The following RBFOX1 variants were observed in gnomAD, a reference collection of about 807,000 sequenced individuals.
The protein encoded by RBFOX1 is RNA binding fox-1 homolog 1, also known as RNA binding protein fox-1 homolog 1.
RBFOX1 carries 8 observed loss-of-function variants against 57.7 expected under a neutral mutation model. The ratio of observed to expected loss-of-function variants is 0.14; its 90% CI spans 0.08 to 0.25. The LOEUF (loss-of-function observed/expected upper bound fraction) is 0.25, where lower values mean the gene tolerates loss of function less well. Among genes scored for constraint, RBFOX1 ranks in the 10% least tolerant of loss-of-function variants. The pLI is 1.00. For synonymous variants in RBFOX1, 326 were observed against 222.4 expected (o/e 1.47, Z -4.15); for missense variants, 611 against 548.5 (o/e 1.11, Z -1.14).
intron 4 of RBFOX1, among the ~76,000 whole-genome samples, chr16:7,396,909 C>G (rs2098148685): frequency 6.6e-6 from 1 of 152,174 alleles, no homozygotes; most frequent in African/African-American, 2.4e-5. Context: ...CCACTGCACT[C>G]CGGCCTGGGC....
chr16:7,023,248 G>A lies in RBFOX1; in HGVS notation c.-15-28809G>A, dbSNP rs140924151. Among the ~76,000 whole-genome samples the A allele has an allele frequency of 2.2e-3, 330 of 152,024 alleles. 2 individuals carry two copies. Among genetic ancestry groups the A allele is most frequent in the African/African-American group, 7.6e-3 (315 of 41,486 alleles). On this transcript the variant is annotated intron_variant, in intron 3 of 15. Transcript: ENST00000550418. Reference sequence around the variant, plus strand: ...TCCTATCACTTTGGGAGGCCAAGGCGGGTGGATTGCCTGAGGTCAGGAGTC... The same window carrying A: ...TCCTATCACTTTGGGAGGCCAAGGCAGGTGGATTGCCTGAGGTCAGGAGTC...
intron 2 of RBFOX1, among the ~76,000 whole-genome samples, chr16:6,616,345 C>G (rs1242158009): frequency 6.6e-6 from 1 of 151,794 alleles, no homozygotes; most frequent in Admixed American, 6.6e-5. Flanking sequence ...CCAACCGTGC[C>G]CAGTGATAGT....
At chr16:7,634,156 A>T (rs753422757) in intron 11 of RBFOX1, among the ~76,000 whole-genome samples, 1 of 152,174 alleles carries the variant, frequency 6.6e-6, no homozygotes, top group Non-Finnish European at 1.5e-5. Flanking sequence ...CTCAAAGCTG[A>T]GGCTACCATA....
chr16:6,641,618 C>G (rs912719716), intron 2 of RBFOX1, among the ~76,000 whole-genome samples: 1 of 151,656 alleles, frequency 6.6e-6, no homozygotes, highest in Non-Finnish European at 1.5e-5. Flanking sequence ...GCCTGTAATC[C>G]CAGCTACTCA....
chr16:6,288,001 C>T (rs531679435), intron 1 of RBFOX1, among the ~76,000 whole-genome samples: 1 of 152,096 alleles, frequency 6.6e-6, no homozygotes, highest in African/African-American at 2.4e-5. Context: ...GTACTTCAAC[C>T]TTTTCTGTCT....
intron 11 of RBFOX1, among the ~76,000 whole-genome samples, chr16:7,637,289 G>A (rs897079230): frequency 6.7e-6 from 1 of 150,218 alleles, no homozygotes; most frequent in Non-Finnish European, 1.5e-5. Context: ...AAAAAAGAAG[G>A]AAAAAAAAGA....
chr16:6,793,721 G>A (rs1279085770), intron 3 of RBFOX1, among the ~76,000 whole-genome samples: 3 of 152,152 alleles, frequency 2.0e-5, no homozygotes, highest in African/African-American at 7.2e-5. Flanking sequence ...TGTTGTTAGA[G>A]TATATTAAAT....
chr16:5,939,108 G>A (rs577092331), intron 4 of RBFOX1, among the ~76,000 whole-genome samples: 20 of 152,178 alleles, frequency 1.3e-4, no homozygotes, highest in East Asian at 3.9e-4. Context: ...TGGGGGAGGC[G>A]GGAGGGATAG....
intron 3 of RBFOX1, among the ~76,000 whole-genome samples, chr16:6,803,344 G>A (rs537514731): frequency 6.6e-6 from 1 of 152,276 alleles, no homozygotes; most frequent in African/African-American, 2.4e-5. Flanking sequence ...TACAGCAGAA[G>A]TGTTGCCTCC....
intron 3 of RBFOX1, among the ~76,000 whole-genome samples, chr16:6,668,042 A>G (rs1296784275): frequency 6.6e-6 from 1 of 152,228 alleles, no homozygotes; most frequent in Admixed American, 6.5e-5. Flanking sequence ...AGATAATAGC[A>G]AAGTAAATTA....
At position 7,281,019 on chromosome 16, in the gene RBFOX1, C is replaced by T. The variant is rs117297594; in HGVS notation, c.27+228921C>T. On this transcript the variant is annotated intron_variant, in intron 4 of 15. Transcript: ENST00000550418. ...TCCTTCCTTCCTTCCTTCCTTCCTT[C>T]CGAGACAGAGTGAGTCTCCTTCACC... Among the ~76,000 whole-genome samples, 20 of 101,942 alleles carry T rather than the reference C, an allele frequency of 2.0e-4. 1 individual carries two copies. The East Asian group carries it at 3.2e-3, about 17-fold the overall frequency. 66.9% of individuals were successfully genotyped at this position (101,942 alleles called of 152,430 possible). A position where few individuals can be genotyped will look rare whatever the true frequency, so the allele number is the denominator to read the frequency against.
In RBFOX1 at chr16:6,619,557, TAAG is replaced by T. The variant is rs1471285701; in HGVS notation, c.-63-35042_-63-35040del. On this transcript the variant is annotated intron_variant, in intron 2 of 15. Coordinates refer to ENST00000550418, the MANE Select transcript of RBFOX1 (RefSeq NM_018723.4). The stretch of plus-strand genomic sequence containing the variant: ...TCAGCTTAAGCAAAAATAAGAAAAA[TAAG>T]AAGGACTTATTCATTCTCATGAAAC... 4.6e-5 allele frequency among the ~76,000 whole-genome samples: 7 copies of T among 152,024 alleles called. No individual in the cohort carries two copies. The East Asian group carries it at 1.4e-3, about 29-fold the overall frequency.
chr16:5,463,751 G>A, intron 1 of RBFOX1, among the ~76,000 whole-genome samples: 1 of 149,560 alleles, frequency 6.7e-6, no homozygotes, highest in Non-Finnish European at 1.5e-5. Context: ...AGTAAGTCAA[G>A]ATTGCACCAC....
intron 1 of RBFOX1, among the ~76,000 whole-genome samples, chr16:6,221,435 G>C (rs114403307): frequency 0.013 from 1,914 of 152,282 alleles, 50 homozygotes; most frequent in African/African-American, 0.043. Context: ...AACACTTAGA[G>C]AGCCATGAGT....
Position 6,881,908 on chromosome 16 carries a change from G to A in RBFOX1, c.-15-170149G>A, listed in dbSNP as rs951142607. Among the ~76,000 whole-genome samples, 69 of 152,156 alleles carry A rather than the reference G, an allele frequency of 4.5e-4. 1 individual carries two copies. The highest frequency in any genetic ancestry group is 3.4e-4 in the Non-Finnish European group (23 of 68,028). ...CACAGCTGGAGTTGCTGTATAGCAG[G>A]ATTTAGATGTAGGCTCCTGCTGGCT... On this transcript the variant is annotated intron_variant, in intron 3 of 15. Coordinates refer to ENST00000550418, the MANE Select transcript of RBFOX1 (RefSeq NM_018723.4).
Position 5,394,049 on chromosome 16 carries a change from T to C in RBFOX1, c.220-73167T>C, listed in dbSNP as rs183149269. Among the ~76,000 whole-genome samples, 14 of 152,174 alleles carry C rather than the reference T, an allele frequency of 9.2e-5. No homozygotes were observed. The East Asian group carries it at 2.7e-3, about 29-fold the overall frequency. ...TTTTTTTTCTTTTTTTCCGAGACAG[T>C]GTCTTACTCTGTTGCCCATGTTGGA... is the stretch of plus-strand genomic sequence containing the variant. On this transcript the variant is annotated intron_variant, in intron 1 of 2. Coordinates refer to the RBFOX1 transcript ENST00000585867.
At chr16:6,760,206 T>C (rs759789685) in intron 3 of RBFOX1, among the ~76,000 whole-genome samples, 14 of 152,228 alleles carry the variant, frequency 9.2e-5, no homozygotes, top group Non-Finnish European at 1.6e-4. Context: ...ATTCTCTAAA[T>C]AGTTTGTAAT....
At chr16:7,454,363 T>C (rs954398554) in intron 4 of RBFOX1, among the ~76,000 whole-genome samples, 1 of 152,202 alleles carries the variant, frequency 6.6e-6, no homozygotes, top group Non-Finnish European at 1.5e-5. Flanking sequence ...ACCAGTGTCT[T>C]GCCAGATTTT....
intron 1 of RBFOX1, among the ~76,000 whole-genome samples, chr16:5,460,880 T>C (rs1172964593): frequency 6.6e-6 from 1 of 152,186 alleles, no homozygotes; most frequent in Non-Finnish European, 1.5e-5. Context: ...TGGCACTGTT[T>C]TGGCATCGCG....
Sources: gnomAD v4.1 joint callset for allele counts (sites outside exome capture counted in the v4.1 genomes callset) on GRCh38, gnomAD v4.1.1 for gene constraint, MANE v1.5 for transcripts, NCBI Gene and HGNC (gene_info 2026-07-23, HGNC 2026-07-21) for gene names.